The following SCTR variants were observed in gnomAD, a reference collection of about 807,000 sequenced individuals.
The protein encoded by SCTR is secretin receptor, also known as pancreatic secretin receptor.
Under a neutral mutation model 60.8 loss-of-function variants are expected in SCTR, and 56 were observed. The ratio of observed to expected loss-of-function variants is 0.92; its 90% confidence interval spans 0.74 to 1.15. The LOEUF is 1.15. SCTR is among the 50% of genes most tolerant of loss of function. SCTR has a pLI of 0.00. For synonymous variants in SCTR, 202 were observed against 217.0 expected (o/e 0.93, Z 0.61); for missense variants, 562 against 550.4 (o/e 1.02, Z -0.21).
chr2:119,505,890 G>A lies in SCTR; in HGVS notation c.73-11342C>T, dbSNP rs142799118. On this transcript the variant is annotated intron_variant, in intron 1 of 12. Coordinates refer to ENST00000019103, the MANE Select transcript of SCTR (RefSeq NM_002980.3). ...ACAGAGAAAAAAAGATATACAGATG[G>A]CAAACAAGCACATGAACATGTATTC... Among the ~76,000 whole-genome samples, 904 of 152,112 alleles carry A rather than the reference G, an allele frequency of 5.9e-3. 2 individuals are homozygous for A. Among genetic ancestry groups the A allele is most frequent in the African/African-American group, 0.02 (850 of 41,488 alleles).
intron 3 of SCTR, 42 bp downstream of exon 3, chr2:119,478,769 C>T (rs1284622657): frequency 6.3e-7 from 1 of 1,592,726 alleles, no homozygotes; most frequent in Non-Finnish European, 8.6e-7. Context: ...CAGAGGGACA[C>T]CCCTCAGCCT....
At chr2:119,470,210 A>G (rs1355579362) in intron 4 of SCTR, among the ~76,000 whole-genome samples, 1 of 152,190 alleles carries the variant, frequency 6.6e-6, no homozygotes, top group South Asian at 2.1e-4. Flanking sequence ...ATCTGAGTCC[A>G]CTATTGGTGT....
intron 1 of SCTR, among the ~76,000 whole-genome samples, chr2:119,505,623 G>A (rs532116582): frequency 2.0e-4 from 30 of 150,824 alleles, no homozygotes; most frequent in Non-Finnish European, 3.2e-4. Flanking sequence ...ACCAAACACC[G>A]CATGTTCGCA....
intron 1 of SCTR, among the ~76,000 whole-genome samples, chr2:119,522,655 C>T (rs1679324140): frequency 6.6e-6 from 1 of 152,166 alleles, no homozygotes; most frequent in African/African-American, 2.4e-5. Context: ...TAGGCTGAAC[C>T]TCAGTCCTGC....
chr2:119,507,879 A>G (rs1002028343), intron 1 of SCTR, among the ~76,000 whole-genome samples: 2 of 151,894 alleles, frequency 1.3e-5, no homozygotes, highest in Non-Finnish European at 2.9e-5. Flanking sequence ...GAGTTTCACC[A>G]CATTGGCCAG....
chr2:119,492,284 G>A (rs1347302387), intron 2 of SCTR, among the ~76,000 whole-genome samples: 14 of 152,184 alleles, frequency 9.2e-5, no homozygotes, highest in Non-Finnish European at 1.9e-4. Context: ...TTCCTGTCTG[G>A]TGAAACCAGT....
intron 1 of SCTR, among the ~76,000 whole-genome samples, chr2:119,502,241 G>A (rs909230375): frequency 2.0e-5 from 3 of 152,046 alleles, no homozygotes; most frequent in Non-Finnish European, 4.4e-5. Context: ...GACAGAGTGA[G>A]ACCCTGTCTC....
intron 3 of SCTR, among the ~76,000 whole-genome samples, chr2:119,476,231 A>G (rs1425768637): frequency 2.0e-5 from 3 of 152,034 alleles, no homozygotes; most frequent in Non-Finnish European, 4.4e-5. Flanking sequence ...AAGTAGATCT[A>G]TGGGGATGAA....
At chr2:119,499,969 A>G (rs767374231) in intron 1 of SCTR, among the ~76,000 whole-genome samples, 8 of 152,142 alleles carry the variant, frequency 5.3e-5, no homozygotes, top group Non-Finnish European at 1.0e-4. Context: ...GAACACATAC[A>G]TATACATAAG....
At chr2:119,452,699 C>T (rs1291639162) in intron 8 of SCTR, among the ~76,000 whole-genome samples, 1 of 152,174 alleles carries the variant, frequency 6.6e-6, no homozygotes, top group Non-Finnish European at 1.5e-5. Flanking sequence ...TCTCATTTGA[C>T]CTCATCCACT....
chr2:119,500,824 G>A (rs1386668929), intron 1 of SCTR, among the ~76,000 whole-genome samples: 1 of 152,128 alleles, frequency 6.6e-6, no homozygotes, highest in Non-Finnish European at 1.5e-5. Flanking sequence ...TCAGTAGGGT[G>A]ACTATAGTTT....
At chr2:119,489,290 C>A (rs1056666204) in intron 2 of SCTR, among the ~76,000 whole-genome samples, 1 of 152,190 alleles carries the variant, frequency 6.6e-6, no homozygotes, top group Non-Finnish European at 1.5e-5. Context: ...TCTGCGGGGG[C>A]CTCACCTGCC....
At chr2:119,483,168 G>A (rs1677708923) in intron 2 of SCTR, among the ~76,000 whole-genome samples, 1 of 152,216 alleles carries the variant, frequency 6.6e-6, no homozygotes. Context: ...CCTAACTTGG[G>A]TCACGTCAGG....
At chr2:119,452,763 C>T (rs1163739531) in intron 8 of SCTR, among the ~76,000 whole-genome samples, 2 of 152,092 alleles carry the variant, frequency 1.3e-5, no homozygotes, top group Non-Finnish European at 1.5e-5. Context: ...CATGCTGCCC[C>T]GCTGCCTCGC....
chr2:119,444,382 AATAT>A (rs1215002113), intron 11 of SCTR, among the ~76,000 whole-genome samples: 4 of 7,596 alleles, frequency 5.3e-4, no homozygotes, highest in African/African-American at 1.2e-3. Context: ...TATACGTATG[AATAT>A]ATATACACAT....
intron 5 of SCTR, among the ~76,000 whole-genome samples, chr2:119,464,633 T>C (rs1683756721): frequency 6.6e-6 from 1 of 152,168 alleles, no homozygotes; most frequent in Non-Finnish European, 1.5e-5. Flanking sequence ...CCTGTATTCC[T>C]TGTACAAGAG....
At chr2:119,493,454 A>T (rs1378074097) in intron 2 of SCTR, among the ~76,000 whole-genome samples, 1 of 152,210 alleles carries the variant, frequency 6.6e-6, no homozygotes, top group Non-Finnish European at 1.5e-5. Flanking sequence ...GAGAGCAAAG[A>T]TGAGACGTTT....
At chr2:119,477,476 A>G (rs1168336958) in intron 3 of SCTR, among the ~76,000 whole-genome samples, 1 of 150,616 alleles carries the variant, frequency 6.6e-6, no homozygotes, top group Non-Finnish European at 1.5e-5. Context: ...TTTGTGACAG[A>G]GTCTCACTCT....
At chr2:119,448,946 C>T (rs1210841465) in intron 9 of SCTR, among the ~76,000 whole-genome samples, 166 bp from the exon 10 acceptor site, 1 of 152,086 alleles carries the variant, frequency 6.6e-6, no homozygotes, top group Non-Finnish European at 1.5e-5. Flanking sequence ...ACCCCCAGTC[C>T]TGGTGAAACA....
Sources: gnomAD v4.1 joint callset for allele counts (sites outside exome capture counted in the v4.1 genomes callset) on GRCh38, gnomAD v4.1.1 for gene constraint, MANE v1.5 for transcripts, NCBI Gene and HGNC (gene_info 2026-07-23, HGNC 2026-07-21) for gene names.